Variants in GRID1 observed in about 807,000 individuals in gnomAD.
GRID1 encodes the protein glutamate ionotropic receptor delta type subunit 1, also known as glutamate receptor ionotropic, delta-1.
GRID1 carries 28 observed loss-of-function variants against 98.0 expected under a neutral mutation model. That is an observed-to-expected ratio of 0.29 (90% CI 0.21 to 0.39). The LOEUF (loss-of-function observed/expected upper bound fraction) is 0.39. Among genes scored for constraint, GRID1 ranks in the 10% least tolerant of loss-of-function variants. GRID1 has a pLI of 1.00. For missense variants in GRID1, 1,111 were observed against 1,340.5 expected, an observed-to-expected ratio of 0.83 and a Z score of 2.67; for synonymous variants, 553 against 538.5, an observed-to-expected ratio of 1.03 and a Z score of -0.37.
At chr10:85,902,410 C>T (rs1027916751) in intron 5 of GRID1, among the ~76,000 whole-genome samples, 2 of 152,218 alleles carry the variant, frequency 1.3e-5, no homozygotes, top group Non-Finnish European at 2.9e-5. Flanking sequence ...CCACTTAATA[C>T]TTTTGAACCT....
At chr10:86,315,644 T>G (rs560770841) in intron 2 of GRID1, among the ~76,000 whole-genome samples, 58 of 152,096 alleles carry the variant, frequency 3.8e-4, no homozygotes, top group African/African-American at 1.3e-3. Context: ...GACCCATCCA[T>G]GCACTCACCC....
chr10:85,842,379 C>T (rs1842968918), intron 8 of GRID1, among the ~76,000 whole-genome samples: 1 of 151,924 alleles, frequency 6.6e-6, no homozygotes, highest in African/African-American at 2.4e-5. Context: ...AGGCTTAATA[C>T]CTGGGTGATG....
chr10:85,824,284 T>C (rs1329795782), intron 8 of GRID1, among the ~76,000 whole-genome samples: 1 of 152,204 alleles, frequency 6.6e-6, no homozygotes, highest in Non-Finnish European at 1.5e-5. Flanking sequence ...CGATCTTGGC[T>C]CACTGCAACC....
chr10:86,165,171 G>A (rs549639629), intron 3 of GRID1, among the ~76,000 whole-genome samples: 15 of 152,164 alleles, frequency 9.9e-5, no homozygotes, highest in Non-Finnish European at 1.3e-4. Context: ...TGTGATCCTG[G>A]AGGGATACTC....
intron 4 of GRID1, among the ~76,000 whole-genome samples, chr10:85,992,517 G>A (rs988497991): frequency 2.0e-5 from 3 of 152,044 alleles, no homozygotes; most frequent in Non-Finnish European, 2.9e-5. Flanking sequence ...GGAGGTCACT[G>A]GGCATGAGCC....
intron 4 of GRID1, among the ~76,000 whole-genome samples, chr10:85,950,392 C>T (rs1161841076): frequency 6.6e-6 from 1 of 152,168 alleles, no homozygotes; most frequent in Non-Finnish European, 1.5e-5. Flanking sequence ...GGGTACAGCT[C>T]AGTGTAATCA....
At chr10:85,650,736 C>T (rs1039563943) in intron 12 of GRID1, among the ~76,000 whole-genome samples, 2 of 152,024 alleles carry the variant, frequency 1.3e-5, no homozygotes, top group African/African-American at 2.4e-5. Flanking sequence ...GTAGAGGCAG[C>T]GAGATGGAGA....
At chr10:85,941,524 C>A (rs1841997207) in intron 4 of GRID1, among the ~76,000 whole-genome samples, 1 of 152,064 alleles carries the variant, frequency 6.6e-6, no homozygotes, top group African/African-American at 2.4e-5. Flanking sequence ...TTTAAATGTA[C>A]TTTTTATATT....
chr10:86,077,997 C>T (rs1843908700), intron 4 of GRID1, among the ~76,000 whole-genome samples: 1 of 152,256 alleles, frequency 6.6e-6, no homozygotes, highest in African/African-American at 2.4e-5. Flanking sequence ...CAGGAGCCAA[C>T]ATCCTGATGC....
intron 8 of GRID1, among the ~76,000 whole-genome samples, chr10:85,783,922 G>T (rs1842402994): frequency 6.6e-6 from 1 of 152,216 alleles, no homozygotes; most frequent in Admixed American, 6.5e-5. Context: ...CATGTCATGT[G>T]GGGGTTATTG....
At chr10:86,285,136 G>A (rs1847412829) in intron 2 of GRID1, among the ~76,000 whole-genome samples, 2 of 151,096 alleles carry the variant, frequency 1.3e-5, no homozygotes, top group South Asian at 4.2e-4. Context: ...CTCAGCCCAG[G>A]GAAAGCATCC....
At chr10:85,778,029 C>T (rs757372586) in intron 8 of GRID1, among the ~76,000 whole-genome samples, 8 of 152,090 alleles carry the variant, frequency 5.3e-5, no homozygotes, top group Non-Finnish European at 7.4e-5. Context: ...GTTCTGTTGT[C>T]CATGGGATCT....
intron 4 of GRID1, among the ~76,000 whole-genome samples, chr10:86,086,784 T>C (rs1844065208): frequency 6.6e-6 from 1 of 152,148 alleles, no homozygotes; most frequent in South Asian, 2.1e-4. Context: ...GGTGTTTGTG[T>C]GAGTGTGTGT....
In GRID1 at chr10:86,107,597, C is replaced by A. The variant is rs1197810013; in HGVS notation, c.726+31222G>T. 2.0e-5 allele frequency among the ~76,000 whole-genome samples: 3 copies of A among 152,202 alleles called. 1 individual carries two copies. Among genetic ancestry groups the A allele is most frequent in the South Asian group, 4.1e-4 (2 of 4,830 alleles). ...GAAGACAGGCATTTTTGTTTTCCTG[C>A]CCAAATGTTGCATTTCCCAAGACCT... On this transcript the variant is annotated intron_variant, in intron 4 of 15. Coordinates refer to ENST00000327946, the MANE Select transcript of GRID1 (RefSeq NM_017551.3).
chr10:86,264,648 G>C, intron 2 of GRID1: 1 of 464,580 alleles, frequency 2.2e-6, no homozygotes, highest in Non-Finnish European at 4.4e-6. Flanking sequence ...TGGGAGCGAA[G>C]TGGTGAGTCT....
intron 5 of GRID1, among the ~76,000 whole-genome samples, chr10:85,883,082 C>T (rs1227396834): frequency 6.6e-6 from 1 of 152,058 alleles, no homozygotes; most frequent in African/African-American, 2.4e-5. Context: ...CGTTTTCATT[C>T]TACCTTCCAT....
chr10:85,784,683 G>A (rs1272857746), intron 8 of GRID1, among the ~76,000 whole-genome samples: 3 of 152,218 alleles, frequency 2.0e-5, no homozygotes, highest in Admixed American at 1.3e-4. Context: ...AGTACAGCAA[G>A]GAGCCCATCT....
At chr10:85,865,961 A>ATATG (rs1564613327) in intron 6 of GRID1, among the ~76,000 whole-genome samples, 2 of 7,284 alleles carry the variant, frequency 2.7e-4, no homozygotes, top group African/African-American at 9.7e-4. Flanking sequence ...ATATGGAGAG[A>ATATG]GAGAGAGAGA....
chr10:85,943,454 T>G (rs1020883561), intron 4 of GRID1, among the ~76,000 whole-genome samples: 17 of 152,176 alleles, frequency 1.1e-4, no homozygotes, highest in African/African-American at 4.1e-4. Context: ...AAGAATTTCT[T>G]AAGCCAGATC....
Sources: gnomAD v4.1 joint callset for allele counts (sites outside exome capture counted in the v4.1 genomes callset) on GRCh38, gnomAD v4.1.1 for gene constraint, MANE v1.5 for transcripts, NCBI Gene and HGNC (gene_info 2026-07-23, HGNC 2026-07-21) for gene names.